Variants in SCN9A observed in about 807,000 individuals in gnomAD.
SCN9A encodes sodium voltage-gated channel alpha subunit 9.
Under a neutral mutation model 187.0 loss-of-function variants are expected in SCN9A, and 131 were observed. The ratio of observed to expected loss-of-function variants is 0.70; its 90% confidence interval spans 0.61 to 0.81. The LOEUF (loss-of-function observed/expected upper bound fraction) is 0.81, where lower values mean the gene tolerates loss of function less well. Among genes scored for constraint, SCN9A ranks in the 30% least tolerant of loss-of-function variants. The pLI, the probability that SCN9A is intolerant of heterozygous loss-of-function variation, is 0.00. For missense variants in SCN9A, 2,252 were observed against 2,396.6 expected (o/e 0.94, Z 1.26); for synonymous variants, 809 against 808.6 (o/e 1.00, Z -0.01).
intron 7 of SCN9A, 28 bp from the exon 8 acceptor site, chr2:166,294,690 A>G: frequency 6.8e-7 from 1 of 1,464,614 alleles, no homozygotes; most frequent in Non-Finnish European, 9.4e-7. Flanking sequence ...GAACAGTTAT[A>G]ACATCACAGA....
intron 1 of SCN9A, among the ~76,000 whole-genome samples, chr2:166,360,760 C>T (rs1413100382): frequency 6.6e-6 from 1 of 152,152 alleles, no homozygotes; most frequent in Non-Finnish European, 1.5e-5. Context: ...TACCACAGTG[C>T]CTAGGCTAAA....
At chr2:166,315,851 C>A (rs1428032847) in intron 1 of SCN9A, among the ~76,000 whole-genome samples, 1 of 152,168 alleles carries the variant, frequency 6.6e-6, no homozygotes, top group Non-Finnish European at 1.5e-5. Flanking sequence ...TTCCCTTAGT[C>A]TTCTGGATAA....
intron 13 of SCN9A, 46 bp downstream of exon 13, chr2:166,281,633 T>C: frequency 6.4e-7 from 1 of 1,562,388 alleles, no homozygotes; most frequent in Non-Finnish European, 8.7e-7. Flanking sequence ...AGATTTATGT[T>C]AATTTTATTT....
chr2:166,293,058 G>A (rs187043933), intron 9 of SCN9A, among the ~76,000 whole-genome samples, 173 bp downstream of exon 9: 59 of 152,162 alleles, frequency 3.9e-4, no homozygotes, highest in Admixed American at 3.5e-3. Flanking sequence ...TTTATGATTC[G>A]AGAACTACCC....
intron 19 of SCN9A, among the ~76,000 whole-genome samples, chr2:166,240,606 A>G (rs185019201): frequency 6.6e-5 from 10 of 152,316 alleles, no homozygotes; most frequent in Admixed American, 1.3e-4. Context: ...CTAGGAATAC[A>G]TTGCATGGTA....
intron 26 of SCN9A, among the ~76,000 whole-genome samples, chr2:166,201,178 A>G (rs1693492373): frequency 6.7e-6 from 1 of 149,742 alleles, no homozygotes; most frequent in African/African-American, 2.4e-5. Context: ...ATGTTTATAT[A>G]TATACACACA....
intron 18 of SCN9A, among the ~76,000 whole-genome samples, chr2:166,247,157 C>CAAAAAAAA (rs35833662): frequency 7.2e-5 from 3 of 41,804 alleles, no homozygotes; most frequent in African/African-American, 2.2e-4. Flanking sequence ...CCAAAGCTCT[C>CAAAAAAAA]AAAAAAAAAA....
intron 1 of SCN9A, among the ~76,000 whole-genome samples, chr2:166,336,185 G>A (rs1453988306): frequency 6.6e-6 from 1 of 152,050 alleles, no homozygotes; most frequent in African/African-American, 2.4e-5. Context: ...CTAGAAAGAG[G>A]ATAGGGATTG....
At chr2:166,329,466 A>G (rs1699443548) in intron 1 of SCN9A, among the ~76,000 whole-genome samples, 2 of 152,050 alleles carry the variant, frequency 1.3e-5, no homozygotes, top group Admixed American at 6.6e-5. Flanking sequence ...ACATGATGCT[A>G]TTGGATACAT....
At chr2:166,281,608 T>C in intron 13 of SCN9A, 71 bp downstream of exon 13, 1 of 1,400,554 alleles carries the variant, frequency 7.1e-7, no homozygotes, top group Non-Finnish European at 9.8e-7. Flanking sequence ...TTCATGTGCC[T>C]ATTTAAGGTT....
At chr2:166,348,466 T>A (rs921155646) in intron 1 of SCN9A, among the ~76,000 whole-genome samples, 2 of 152,186 alleles carry the variant, frequency 1.3e-5, no homozygotes, top group African/African-American at 4.8e-5. Context: ...AAATCAACCC[T>A]AAACCCTTTC....
At chr2:166,348,642 C>G (rs1699960135) in intron 1 of SCN9A, among the ~76,000 whole-genome samples, 1 of 152,052 alleles carries the variant, frequency 6.6e-6, no homozygotes, top group South Asian at 2.1e-4. Context: ...AGTGGCTTCT[C>G]AATAGCTTAT....
chr2:166,297,356 A>C (rs1698363158), intron 7 of SCN9A, among the ~76,000 whole-genome samples: 1 of 152,118 alleles, frequency 6.6e-6, no homozygotes, highest in African/African-American at 2.4e-5. Flanking sequence ...GACGGAAATA[A>C]CCCAAATGTC....
chr2:166,224,980 G>A (rs1265064801), intron 24 of SCN9A, among the ~76,000 whole-genome samples: 1 of 151,980 alleles, frequency 6.6e-6, no homozygotes, highest in Non-Finnish European at 1.5e-5. Flanking sequence ...ACATATCATG[G>A]AGTCTTAATA....
intron 1 of SCN9A, among the ~76,000 whole-genome samples, chr2:166,354,099 A>T (rs1700099551): frequency 6.6e-6 from 1 of 151,374 alleles, no homozygotes; most frequent in Non-Finnish European, 1.5e-5. Flanking sequence ...ATCTTCAAAC[A>T]TTTACAATAA....
At chr2:166,288,373 G>A in intron 10 of SCN9A, 64 bp downstream of exon 10, 1 of 1,298,294 alleles carries the variant, frequency 7.7e-7, no homozygotes. Flanking sequence ...ATATACCGCA[G>A]AGCCTCTGTT....
rs754670164 is a variant in SCN9A, at chr2:166,199,792, C to G, written c.4847G>C (p.Arg1616Thr). The change falls in exon 27 of 27, where the codon AGG becomes ACG. Residue 1616 changes from arginine to threonine, a missense_variant. Physicochemically the swap from Arg to Thr is moderately conservative, Grantham distance 71 (BLOSUM62 -1). Coordinates refer to ENST00000642356, the MANE Select transcript of SCN9A (RefSeq NM_001365536.1). ...PTLFRVIRLARIGRILRLVKG... is the reference protein window; with the variant it reads ...PTLFRVIRLATIGRILRLVKG... ...GACTAGACGTAGGATTCGGCCAATCCTGGCAAGACGGATCACTCGGAACAG... is the reference window on the plus strand; with the variant it reads ...GACTAGACGTAGGATTCGGCCAATCGTGGCAAGACGGATCACTCGGAACAG... 1.2e-5 allele frequency: 19 copies of G among 1,613,842 alleles called. No homozygotes were observed. The highest frequency in any genetic ancestry group is 1.6e-5 in the Non-Finnish European group (19 of 1,180,004).
chr2:166,200,242 C>T (rs1356608958), intron 26 of SCN9A, among the ~76,000 whole-genome samples: 3 of 151,302 alleles, frequency 2.0e-5, no homozygotes, highest in East Asian at 3.9e-4. Flanking sequence ...CGTGATCCGC[C>T]CGCCTCGGCC....
intron 12 of SCN9A, among the ~76,000 whole-genome samples, chr2:166,284,110 T>A (rs1473533177): frequency 6.6e-6 from 1 of 152,218 alleles, no homozygotes; most frequent in Non-Finnish European, 1.5e-5. Flanking sequence ...AGAAATGGGA[T>A]CTATTATTAA....
Sources: gnomAD v4.1 joint callset for allele counts (sites outside exome capture counted in the v4.1 genomes callset) on GRCh38, gnomAD v4.1.1 for gene constraint, MANE v1.5 for transcripts, NCBI Gene and HGNC (gene_info 2026-07-23, HGNC 2026-07-21) for gene names.